The following INSYN2A variants were observed in gnomAD, a reference collection of about 807,000 sequenced individuals.
INSYN2A encodes family with sequence similarity 196 member A.
INSYN2A carries 17 observed loss-of-function variants against 39.4 expected under a neutral mutation model. The observed-to-expected ratio is 0.43, with a 90% CI of 0.30 to 0.65. The LOEUF (loss-of-function observed/expected upper bound fraction) is 0.65. INSYN2A is among the 30% of genes least tolerant of loss of function. INSYN2A has a pLI of 0.14. For synonymous variants in INSYN2A, 255 were observed against 265.7 expected (o/e 0.96, Z 0.39); for missense variants, 595 against 631.2 (o/e 0.94, Z 0.61).
intron 5 of INSYN2A, among the ~76,000 whole-genome samples, chr10:127,143,038 G>A (rs2051422341): frequency 6.6e-6 from 1 of 152,188 alleles, no homozygotes; most frequent in Admixed American, 6.5e-5. Flanking sequence ...TGCCGCATGT[G>A]ATTTTGCAGA....
chr10:127,169,927 C>T (rs948542158), intron 4 of INSYN2A, among the ~76,000 whole-genome samples: 5 of 152,144 alleles, frequency 3.3e-5, no homozygotes, highest in Non-Finnish European at 1.5e-5. Context: ...GCTCTTTCTT[C>T]CTCTCTCCCT....
chr10:127,191,926 C>T (rs2056784254), intron 2 of INSYN2A, among the ~76,000 whole-genome samples: 1 of 152,220 alleles, frequency 6.6e-6, no homozygotes, highest in Admixed American at 6.5e-5. Context: ...CATTCCGTAG[C>T]CTCCTTCCCA....
intron 2 of INSYN2A, among the ~76,000 whole-genome samples, chr10:127,178,092 G>C (rs2055351382): frequency 6.6e-6 from 1 of 152,110 alleles, no homozygotes; most frequent in African/African-American, 2.4e-5. Context: ...CCATAAGGGG[G>C]AAGAAGAGAC....
intron 4 of INSYN2A, among the ~76,000 whole-genome samples, chr10:127,169,167 A>G (rs1012571810): frequency 8.5e-5 from 13 of 152,200 alleles, no homozygotes; most frequent in Admixed American, 6.5e-5. Flanking sequence ...CATATACATT[A>G]TACATACATA....
chr10:127,163,362 G>C (rs765366015), intron 4 of INSYN2A, among the ~76,000 whole-genome samples: 1 of 152,066 alleles, frequency 6.6e-6, no homozygotes, highest in Middle Eastern at 3.4e-3. Context: ...GGAGTATACC[G>C]GGAGCTGTAG....
At chr10:127,193,573 A>C (rs940280383) in intron 1 of INSYN2A, among the ~76,000 whole-genome samples, 1 of 152,224 alleles carries the variant, frequency 6.6e-6, no homozygotes, top group African/African-American at 2.4e-5. Context: ...GGCTGGGCGC[A>C]AACAAGAGAA....
chr10:127,154,412 G>GA (rs1564847247), intron 4 of INSYN2A, among the ~76,000 whole-genome samples: 1 of 151,916 alleles, frequency 6.6e-6, no homozygotes, highest in South Asian at 2.1e-4. Context: ...TTAAGCACTT[G>GA]AAAAAAAATT....
intron 4 of INSYN2A, among the ~76,000 whole-genome samples, chr10:127,167,962 C>T (rs1423931484): frequency 6.6e-6 from 1 of 152,208 alleles, no homozygotes; most frequent in Non-Finnish European, 1.5e-5. Context: ...AAGGTAGTAA[C>T]TTACTGAGTG....
chr10:127,150,076 G>A (rs577778505), intron 5 of INSYN2A, among the ~76,000 whole-genome samples: 1 of 152,266 alleles, frequency 6.6e-6, no homozygotes, highest in South Asian at 2.1e-4. Flanking sequence ...AACAAGACAT[G>A]GATGTAGATT....
At chr10:127,165,882 C>G (rs1230743265) in intron 4 of INSYN2A, among the ~76,000 whole-genome samples, 1 of 152,148 alleles carries the variant, frequency 6.6e-6, no homozygotes, top group Non-Finnish European at 1.5e-5. Context: ...ATGGGACCCT[C>G]TCAATGAGGG....
rs907895472 is a variant in INSYN2A at position 127,175,002 on chromosome 10, A to G, written c.1184+210T>C. Among the ~76,000 whole-genome samples the G allele has an allele frequency of 2.6e-5, 4 of 152,242 alleles. No homozygotes were observed. Among genetic ancestry groups the G allele is most frequent in the East Asian group, 3.9e-4 (2 of 5,192 alleles). Reference sequence around the variant, plus strand: ...TGAATTCAAGGCCAGAAAGATGAACATTAACCAGAAAGCGTATCGTGCAGG... The same window carrying G: ...TGAATTCAAGGCCAGAAAGATGAACGTTAACCAGAAAGCGTATCGTGCAGG... On this transcript the variant is annotated intron_variant, in intron 4 of 5. Transcript: ENST00000522781. This position sits in a 1 kb window ranked among gnomAD's most constrained non-coding sequence, Gnocchi z 6.3.
intron 5 of INSYN2A, among the ~76,000 whole-genome samples, chr10:127,140,751 C>T (rs955477476): frequency 2.0e-5 from 3 of 152,008 alleles, no homozygotes; most frequent in African/African-American, 4.8e-5. Context: ...TGGCTGACAT[C>T]GAACAAAGGT....
At chr10:127,152,294 T>C (rs2052576737) in intron 5 of INSYN2A, among the ~76,000 whole-genome samples, 1 of 152,162 alleles carries the variant, frequency 6.6e-6, no homozygotes, top group Non-Finnish European at 1.5e-5. Flanking sequence ...GCAAGATGAG[T>C]GGAGTGAAAA....
chr10:127,175,379 C>A lies in INSYN2A; in HGVS notation c.1017G>T (p.Ala339=), dbSNP rs771469519. ...GTTGGCATTCTTCACCTGCAGCAAC[C>A]GCTGTGGGACTAGGCTGGTTCCCCA... is the stretch of plus-strand genomic sequence containing the variant. The part of the protein sequence containing the change: ...PGLGNQPSPT[A]VAAGEECQRI... Residue 339 remains alanine (A), a synonymous_variant, in exon 4 of 6, where the codon GCG becomes GCT. Coordinates refer to ENST00000522781, the MANE Select transcript of INSYN2A (RefSeq NM_001039762.3). This position sits in a 1 kb window ranked among gnomAD's most constrained non-coding sequence, Gnocchi z 6.3. The A allele has an allele frequency of 6.2e-7, 1 of 1,613,990 alleles. No individual in the cohort carries two copies. Among genetic ancestry groups the A allele is most frequent in the Admixed American group, 1.7e-5 (1 of 60,026 alleles).
At chr10:127,151,578 A>G (rs776176160) in intron 5 of INSYN2A, among the ~76,000 whole-genome samples, 1 of 152,158 alleles carries the variant, frequency 6.6e-6, no homozygotes, top group African/African-American at 2.4e-5. Flanking sequence ...TCGGGTCTGC[A>G]GGCTACCGAG....
intron 2 of INSYN2A, among the ~76,000 whole-genome samples, chr10:127,184,732 C>CT (rs1330549548): frequency 6.6e-6 from 1 of 152,216 alleles, no homozygotes; most frequent in Non-Finnish European, 1.5e-5. Flanking sequence ...TGGTCAGTCT[C>CT]TACTTTGTGT....
chr10:127,195,064 T>G (rs1316316135), intron 1 of INSYN2A, among the ~76,000 whole-genome samples: 1 of 152,126 alleles, frequency 6.6e-6, no homozygotes, highest in Non-Finnish European at 1.5e-5. Context: ...CCTCCCCCAC[T>G]CCTGGCATCT....
intron 2 of INSYN2A, among the ~76,000 whole-genome samples, chr10:127,190,746 G>GTAGCATC (rs1011428393): frequency 1.5e-5 from 2 of 134,468 alleles, no homozygotes; most frequent in Non-Finnish European, 3.0e-5. Flanking sequence ...CTGGCCTTGG[G>GTAGCATC]TAGCATCTTT....
chr10:127,182,637 G>T (rs2055846540), intron 2 of INSYN2A, among the ~76,000 whole-genome samples: 1 of 152,262 alleles, frequency 6.6e-6, no homozygotes, highest in East Asian at 1.9e-4. Flanking sequence ...GAGACATTAT[G>T]TCAATGTAAA....
Sources: gnomAD v4.1 joint callset for allele counts (sites outside exome capture counted in the v4.1 genomes callset) on GRCh38, gnomAD v4.1.1 for gene constraint, Gnocchi (gnomAD v3.1) non-coding constraint, MANE v1.5 for transcripts, NCBI Gene and HGNC (gene_info 2026-07-23, HGNC 2026-07-21) for gene names.